The following STAB2 variants were observed in gnomAD, a reference collection of about 807,000 sequenced individuals.
STAB2 encodes the protein stabilin 2, also known as stabilin-2.
A neutral mutation model predicts 338.1 loss-of-function variants in STAB2; 288 were observed. The observed-to-expected ratio is 0.85, with a 90% confidence interval of 0.77 to 0.94. The LOEUF (loss-of-function observed/expected upper bound fraction) is 0.94, where lower values mean the gene tolerates loss of function less well. Ranked by LOEUF, STAB2 falls within the 40% of genes least tolerant of loss-of-function variation. STAB2 has a pLI of 0.00. For missense variants in STAB2, 3,141 were observed against 3,210.1 expected (o/e 0.98, Z 0.52); for synonymous variants, 1,202 against 1,193.3 (o/e 1.01, Z -0.15).
intron 13 of STAB2, 64 bp downstream of exon 13, chr12:103,654,762 C>A (rs2138744821): frequency 6.4e-7 from 1 of 1,559,188 alleles, no homozygotes; most frequent in East Asian, 2.3e-5. Context: ...TGGAGAGTCA[C>A]ATCCAGAGCA....
Position 103,669,596 on chromosome 12 carries a change from G to T in STAB2, c.2228G>T (p.Gly743Val). 2 of 1,614,192 alleles carry T rather than the reference G, an allele frequency of 1.2e-6. No individual in the cohort carries two copies. Among genetic ancestry groups the T allele is most frequent in the Non-Finnish European group, 1.7e-6 (2 of 1,180,034 alleles). ...YGPDCNQCPG[G>V]FSNPCSGNGQ... ...CCTGACTGCAACCAGTGTCCAGGAG[G>T]CTTCTCAAATCCATGCTCAGGAAAT... The change falls in exon 21 of 69, where the codon GGC (glycine) becomes GTC (valine). Residue 743 changes from glycine to valine, a missense_variant. Physicochemically the swap from Gly to Val is moderately radical, Grantham distance 109. Coordinates refer to ENST00000388887, the MANE Select transcript of STAB2 (RefSeq NM_017564.10).
intron 3 of STAB2, among the ~76,000 whole-genome samples, chr12:103,610,047 A>C (rs1043233222): frequency 2.0e-5 from 3 of 152,160 alleles, no homozygotes; most frequent in Non-Finnish European, 4.4e-5. Flanking sequence ...CCACTTGATA[A>C]TGCTGGGTAA....
intron 34 of STAB2, among the ~76,000 whole-genome samples, chr12:103,700,932 G>T (rs1456474956): frequency 1.3e-5 from 2 of 150,814 alleles, no homozygotes; most frequent in African/African-American, 4.9e-5. Context: ...TGCCATGCTG[G>T]TGCGCTGCAC....
At chr12:103,611,735 T>G (rs1480479893) in intron 3 of STAB2, among the ~76,000 whole-genome samples, 3 of 152,206 alleles carry the variant, frequency 2.0e-5, no homozygotes, top group East Asian at 3.8e-4. Context: ...CATTATGATG[T>G]TAGCTGGTTA....
At chr12:103,713,906 G>A (rs1209184976) in intron 42 of STAB2, 138 bp downstream of exon 42, 8 of 1,413,690 alleles carry the variant, frequency 5.7e-6, no homozygotes, top group Non-Finnish European at 7.6e-6. Context: ...GAAAGTATAA[G>A]GGCATGGAAA....
chr12:103,704,498 A>T, intron 35 of STAB2, 60 bp from the exon 36 acceptor site: 3 of 1,538,150 alleles, frequency 2.0e-6, no homozygotes, highest in South Asian at 2.3e-5. Context: ...CAAGTTCTGG[A>T]CATGCAGCTT....
At chr12:103,725,770 C>G (rs1881150394) in intron 45 of STAB2, among the ~76,000 whole-genome samples, 1 of 152,234 alleles carries the variant, frequency 6.6e-6, no homozygotes, top group Non-Finnish European at 1.5e-5. Context: ...AATGTTCCGG[C>G]TGATCAAATA....
chr12:103,759,185 T>G lies in STAB2; in HGVS notation c.7160T>G (p.Phe2387Cys). 6.2e-7 allele frequency: 1 copy of G among 1,614,202 alleles called. No individual in the cohort carries two copies. Among genetic ancestry groups the G allele is most frequent in the Non-Finnish European group, 8.5e-7 (1 of 1,180,032 alleles). ...CACCTCGCCAATGTCAGCATGTTTTTCTACAATGACCTTGTCAATGGCACC... is the reference window on the plus strand; with the variant it reads ...CACCTCGCCAATGTCAGCATGTTTTGCTACAATGACCTTGTCAATGGCACC... ...EHHLANVSMF[F>C]YNDLVNGTTL... The change falls in exon 65 of 69, where the codon TTC becomes TGC. Residue 2387 changes from phenylalanine to cysteine, a missense_variant. Transcript: ENST00000388887.
intron 53 of STAB2, among the ~76,000 whole-genome samples, chr12:103,739,178 T>C (rs1026763685): frequency 3.3e-5 from 5 of 151,254 alleles, no homozygotes; most frequent in Non-Finnish European, 7.4e-5. Flanking sequence ...AGTCTTGCTG[T>C]GTTGCCTAGG....
At position 103,685,002 on chromosome 12, in the gene STAB2, C is replaced by T. The variant is rs1479410056; in HGVS notation, c.2915C>T (p.Ser972Phe). 1 of 1,613,862 alleles carries T rather than the reference C, an allele frequency of 6.2e-7. No homozygotes were observed. ...GKCHPLASCQ[S>F]TSSGVWSCVC... ...TGGTTTTCTCAGGCAAGCTGTCAAT[C>T]TACTTCGTCTGGTGTCTGGAGCTGT... The change falls in exon 27 of 69, where the codon TCT becomes TTT. Residue 972 changes from serine (S) to phenylalanine (F), a missense_variant. Coordinates refer to ENST00000388887, the MANE Select transcript of STAB2 (RefSeq NM_017564.10).
intron 5 of STAB2, among the ~76,000 whole-genome samples, chr12:103,627,337 A>G (rs1957396458): frequency 1.3e-5 from 2 of 152,212 alleles, no homozygotes; most frequent in African/African-American, 2.4e-5. Context: ...GTGATGATGC[A>G]GAGTGCACAG....
chr12:103,698,018 C>T (rs114785051), intron 33 of STAB2, among the ~76,000 whole-genome samples: 18 of 152,166 alleles, frequency 1.2e-4, no homozygotes, highest in African/African-American at 3.6e-4. Context: ...GCTGGCTCTG[C>T]GAGTGACGGG....
At chr12:103,661,770 A>G (rs560724862) in intron 17 of STAB2, among the ~76,000 whole-genome samples, 14 of 152,180 alleles carry the variant, frequency 9.2e-5, no homozygotes, top group Non-Finnish European at 1.6e-4. Flanking sequence ...AGCAAGGGTG[A>G]AAAGCACAGA....
intron 10 of STAB2, among the ~76,000 whole-genome samples, chr12:103,649,217 C>T (rs1363810059): frequency 6.6e-6 from 1 of 152,158 alleles, no homozygotes; most frequent in Non-Finnish European, 1.5e-5. Flanking sequence ...GAGAGGGTGA[C>T]TGAGACCCCA....
In STAB2 at chr12:103,640,133, A is replaced by C. The variant is rs1872808198; in HGVS notation, c.917A>C (p.Glu306Ala). The part of the protein sequence containing the change: ...KYDGPGQSHC[E>A]CKEHYQNFVP... ...TCCTGTCTACTGAAGTCTCACTGCG[A>C]GTGTAAGGAGCATTACCAGAATTTC... is the stretch of plus-strand genomic sequence containing the variant. The change falls in exon 9 of 69, where the codon GAG becomes GCG. Residue 306 changes from glutamate (E) to alanine (A), a missense_variant. Transcript: ENST00000388887. 5.0e-6 allele frequency: 8 copies of C among 1,612,754 alleles called. No homozygotes were observed. Among genetic ancestry groups the C allele is most frequent in the Non-Finnish European group, 6.8e-6 (8 of 1,179,096 alleles).
chr12:103,701,977 T>TACACACACACACACAC (rs71097990), intron 34 of STAB2, among the ~76,000 whole-genome samples: 8 of 143,948 alleles, frequency 5.6e-5, no homozygotes, highest in African/African-American at 1.6e-4. Flanking sequence ...TCAGCCCTGC[T>TACACACACACACACAC]ACACACACAC....
chr12:103,674,195 C>T, intron 23 of STAB2, 108 bp downstream of exon 23: 2 of 1,278,242 alleles, frequency 1.6e-6, no homozygotes, highest in South Asian at 3.0e-5. Flanking sequence ...CATATCTGAA[C>T]TCTGAACTGA....
intron 8 of STAB2, 102 bp downstream of exon 8, chr12:103,638,314 A>C: frequency 7.6e-7 from 1 of 1,318,574 alleles, no homozygotes; most frequent in Non-Finnish European, 1.0e-6. Flanking sequence ...TCTCCCTTTC[A>C]ATGTTCCGCT....
At chr12:103,707,649 A>T (rs1879481956) in intron 38 of STAB2, among the ~76,000 whole-genome samples, 1 of 152,230 alleles carries the variant, frequency 6.6e-6, no homozygotes, top group Non-Finnish European at 1.5e-5. Context: ...CCTTGTGTCC[A>T]GGAACACACA....
Sources: allele counts gnomAD v4.1 joint callset (sites outside exome capture counted in the v4.1 genomes callset), GRCh38; gene constraint gnomAD v4.1.1; transcripts MANE v1.5; gene names NCBI Gene and HGNC (gene_info 2026-07-23, HGNC 2026-07-21).